DAB1: variants seen among roughly 807,000 people sequenced by gnomAD.
DAB1 encodes disabled homolog 1.
DAB1 carries 15 observed loss-of-function variants against 64.6 expected under a neutral mutation model. The ratio of observed to expected loss-of-function variants is 0.23; its 90% CI spans 0.16 to 0.36. The LOEUF (loss-of-function observed/expected upper bound fraction) is 0.36. DAB1 is among the 10% of genes least tolerant of loss of function. DAB1 has a pLI of 1.00. For missense variants in DAB1, 596 were observed against 706.7 expected (o/e 0.84, Z 1.78); for synonymous variants, 235 against 251.9 (o/e 0.93, Z 0.64).
chr1:57,146,177 TA>T (rs1420296037), intron 2 of DAB1, among the ~76,000 whole-genome samples: 1 of 152,226 alleles, frequency 6.6e-6, no homozygotes, highest in East Asian at 1.9e-4. Flanking sequence ...AGATGTTCTG[TA>T]AACTTTATCC....
rs79727968 is a variant in DAB1 at position 58,538,328 on chromosome 1, T to A, written n.32+8375A>T. ...AAGCATTAATGACTTAAGAGTTAAC[T>A]AGGAGTGAGCCCACCCTTATATAAG... On this transcript the variant is annotated intron_variant and non_coding_transcript_variant, in intron 1 of 20. Coordinates refer to the DAB1 transcript ENST00000485760. Among the ~76,000 whole-genome samples the A allele has an allele frequency of 5.1e-4, 77 of 152,314 alleles. No individual in the cohort carries two copies. In the East Asian group the frequency reaches 0.011, roughly 23 times the overall value.
chr1:57,490,013 G>T (rs549613527), intron 7 of DAB1, among the ~76,000 whole-genome samples: 1 of 152,140 alleles, frequency 6.6e-6, no homozygotes, highest in Non-Finnish European at 1.5e-5. Context: ...TCTAAAAGGG[G>T]CCCAAGAAAG....
chr1:57,653,271 A>C (rs1189153567), intron 6 of DAB1, among the ~76,000 whole-genome samples: 1 of 152,200 alleles, frequency 6.6e-6, no homozygotes, highest in Admixed American at 6.5e-5. Flanking sequence ...GTTCTAATAC[A>C]TAGTTGTATT....
intron 7 of DAB1, among the ~76,000 whole-genome samples, chr1:57,543,797 T>C (rs1217330681): frequency 6.6e-6 from 1 of 152,114 alleles, no homozygotes; most frequent in African/African-American, 2.4e-5. Context: ...GTTAATGCTT[T>C]TTATTGCATT....
At chr1:57,158,184 T>A (rs887645412) in intron 2 of DAB1, among the ~76,000 whole-genome samples, 3 of 152,174 alleles carry the variant, frequency 2.0e-5, no homozygotes, top group African/African-American at 4.8e-5. Context: ...CACATGGAAG[T>A]CATTCAGTAA....
intron 6 of DAB1, among the ~76,000 whole-genome samples, chr1:57,737,139 A>G (rs77692690): frequency 0.13 from 20,485 of 152,130 alleles, 1,685 homozygotes; most frequent in East Asian, 0.43. Context: ...CCTTGGCAGA[A>G]AGGGAGTCAA....
chr1:58,099,061 C>T (rs1651159691), intron 5 of DAB1, among the ~76,000 whole-genome samples: 1 of 152,154 alleles, frequency 6.6e-6, no homozygotes, highest in Non-Finnish European at 1.5e-5. Context: ...TTCAAGATGT[C>T]CTAGAGCAGT....
At chr1:57,445,900 T>C (rs753141748) in intron 7 of DAB1, among the ~76,000 whole-genome samples, 5 of 152,208 alleles carry the variant, frequency 3.3e-5, no homozygotes, top group Non-Finnish European at 7.4e-5. Context: ...TCTTACATAA[T>C]GGTACATAAT....
chr1:58,118,689 T>G (rs914240665), intron 5 of DAB1, among the ~76,000 whole-genome samples: 4 of 148,170 alleles, frequency 2.7e-5, no homozygotes, highest in African/African-American at 1.0e-4. Context: ...CATATATATA[T>G]CCTCATAAAC....
At chr1:58,420,917 G>A (rs1644765498) in intron 3 of DAB1, among the ~76,000 whole-genome samples, 1 of 152,146 alleles carries the variant, frequency 6.6e-6, no homozygotes, top group Non-Finnish European at 1.5e-5. Flanking sequence ...GGTATGCCAA[G>A]TGCTTTCCTA....
intron 7 of DAB1, among the ~76,000 whole-genome samples, chr1:57,479,070 C>T (rs951844528): frequency 6.6e-6 from 1 of 151,910 alleles, no homozygotes; most frequent in African/African-American, 2.4e-5. Context: ...TTAACACATG[C>T]ATTTATTCAA....
intron 2 of DAB1, among the ~76,000 whole-genome samples, chr1:57,281,597 G>A (rs1207392227): frequency 6.6e-6 from 1 of 152,132 alleles, no homozygotes; most frequent in East Asian, 1.9e-4. Context: ...ATGATAAGCA[G>A]TGTGGACTTT....
intron 7 of DAB1, among the ~76,000 whole-genome samples, chr1:57,537,801 T>C (rs1351848478): frequency 1.3e-5 from 2 of 152,194 alleles, no homozygotes; most frequent in Non-Finnish European, 2.9e-5. Flanking sequence ...GAGTAATTTA[T>C]AAAGAGAAGA....
intron 1 of DAB1, among the ~76,000 whole-genome samples, chr1:57,293,050 A>AATGC (rs371479087): frequency 2.0e-5 from 3 of 152,104 alleles, no homozygotes; most frequent in Non-Finnish European, 4.4e-5. Flanking sequence ...TGAATGAATG[A>AATGC]GTGGTTGTCT....
rs529954601 is a variant in DAB1, at chr1:57,908,181, T to C, written n.388-24019A>G. On this transcript the variant is annotated intron_variant and non_coding_transcript_variant, in intron 5 of 20. Coordinates refer to the DAB1 transcript ENST00000485760. ...TCCCAAAAAACAGATTTATTGAAAC[T>C]TCCCTCCTACCAGCCCAGGGCCCAG... 7.9e-5 allele frequency among the ~76,000 whole-genome samples: 12 copies of C among 152,182 alleles called. No individual in the cohort carries two copies. The South Asian group carries it at 2.3e-3, about 29-fold the overall frequency.
At chr1:58,391,409 G>A (rs1230990377) in intron 3 of DAB1, among the ~76,000 whole-genome samples, 1 of 152,200 alleles carries the variant, frequency 6.6e-6, no homozygotes. Context: ...AAAATACAGG[G>A]CAGAGGAGGA....
At chr1:57,295,499 C>A (rs796253353) in intron 1 of DAB1, among the ~76,000 whole-genome samples, 2 of 152,078 alleles carry the variant, frequency 1.3e-5, no homozygotes, top group Admixed American at 6.6e-5. Flanking sequence ...ATCAACAAGG[C>A]CCAAAGGTTT....
chr1:57,514,097 CTATGT>C (rs1364723299), intron 7 of DAB1, among the ~76,000 whole-genome samples: 1 of 152,150 alleles, frequency 6.6e-6, no homozygotes, highest in African/African-American at 2.4e-5. Context: ...TCATAGACAC[CTATGT>C]TAATTCCATC....
chr1:57,802,896 A>G (rs983789354), intron 6 of DAB1, among the ~76,000 whole-genome samples: 2 of 152,176 alleles, frequency 1.3e-5, no homozygotes, highest in Non-Finnish European at 2.9e-5. Context: ...ACAGTCTGTC[A>G]TGGTTGTCCT....
Sources: allele counts gnomAD v4.1 joint callset (sites outside exome capture counted in the v4.1 genomes callset), GRCh38; gene constraint gnomAD v4.1.1; transcripts MANE v1.5; gene names NCBI Gene and HGNC (gene_info 2026-07-23, HGNC 2026-07-21).